Variants in CEACAM7 observed in about 807,000 individuals in gnomAD.
CEACAM7 encodes the protein CEA cell adhesion molecule 7.
Under a neutral mutation model 25.7 loss-of-function variants are expected in CEACAM7, and 24 were observed. The ratio of observed to expected loss-of-function variants is 0.93; its 90% confidence interval spans 0.68 to 1.31. The LOEUF is 1.31. Ranked by LOEUF, CEACAM7 falls within the 40% of genes most tolerant of loss-of-function variation. CEACAM7 has a pLI of 0.00. For synonymous variants in CEACAM7, 144 were observed against 129.4 expected, an observed-to-expected ratio of 1.11 and a Z score of -0.77; for missense variants, 324 against 330.1, an observed-to-expected ratio of 0.98 and a Z score of 0.14.
At chr19:41,685,645 G>C (rs1166454394) in intron 2 of CEACAM7, among the ~76,000 whole-genome samples, 1 of 152,118 alleles carries the variant, frequency 6.6e-6, no homozygotes, top group Non-Finnish European at 1.5e-5. Context: ...AGAAAGCAAA[G>C]TCTTCTCCTT....
chr19:41,677,333 G>T (rs1440977800), intron 4 of CEACAM7, 43 bp downstream of exon 4: 2 of 1,062,536 alleles, frequency 1.9e-6, no homozygotes, highest in Non-Finnish European at 2.9e-6. Flanking sequence ...ATGGCAGTCA[G>T]CCCTGCAGGA....
At position 41,687,080 on chromosome 19, in the gene CEACAM7, T is replaced by C. The variant is rs2072235106; in HGVS notation, c.206A>G (p.Lys69Arg). Residue 69 changes from lysine (K) to arginine (R), a missense_variant, in exon 2 of 5, where the codon AAA becomes AGA. Transcript: ENST00000401731. ...SQNLYGYNWY[K>R]GERVHANYRI... ...ATAGTTGGCATGCACCCTTTCCCCT[T>C]TGTACCAGTTGTAGCCATAAAGATT... 1.2e-6 allele frequency: 2 copies of C among 1,614,106 alleles called. No homozygotes were observed. The highest frequency in any genetic ancestry group is 1.3e-5 in the African/African-American group (1 of 74,992).
chr19:41,677,324 T>C lies in CEACAM7; in HGVS notation c.*36+52A>G, dbSNP rs1040598757. On this transcript the variant is annotated intron_variant, in intron 4 of 4. Coordinates refer to ENST00000401731, the MANE Select transcript of CEACAM7 (RefSeq NM_001291485.2). ...AGAAGTCCTTTCCCTCTCCCAAGCA[T>C]GGCAGTCAGCCCTGCAGGAAATAGG... 7 of 957,394 alleles carry C rather than the reference T, an allele frequency of 7.3e-6. No individual in the cohort carries two copies. In the East Asian group the frequency reaches 1.7e-4, roughly 23 times the overall value. The allele number at this position is 957,394 out of a possible 1,614,324, so 59.3% of individuals were successfully genotyped here.
Position 41,674,613 on chromosome 19 carries a change from T to C in CEACAM7, c.*163A>G, listed in dbSNP as rs1555809951. The C allele has an allele frequency of 5.6e-6, 2 of 355,640 alleles. No individual in the cohort carries two copies. The highest frequency in any genetic ancestry group is 2.2e-5 in the African/African-American group (1 of 46,340). 22.0% of individuals were successfully genotyped at this position (355,640 alleles called of 1,614,324 possible). ...GGCCCACATCTCAGGCATGAGGGTT[T>C]TTCCTTGAAATTTACATTGAGTTGT... On this transcript the variant is annotated 3_prime_UTR_variant, in exon 5 of 5. Coordinates refer to ENST00000401731, the MANE Select transcript of CEACAM7 (RefSeq NM_001291485.2).
At chr19:41,677,273 G>T in intron 4 of CEACAM7, 103 bp downstream of exon 4, 1 of 614,952 alleles carries the variant, frequency 1.6e-6, no homozygotes, top group Non-Finnish European at 2.9e-6. Flanking sequence ...GGGAGGAGGA[G>T]GAGATCTAGT....
At chr19:41,684,775 G>T (rs1213867096) in intron 2 of CEACAM7, among the ~76,000 whole-genome samples, 1 of 152,218 alleles carries the variant, frequency 6.6e-6, no homozygotes, top group African/African-American at 2.4e-5. Context: ...ATTAGGAGAA[G>T]AGATGTGTGT....
rs193293024 is a variant in CEACAM7 at position 41,686,268 on chromosome 19, G to A, written c.427+591C>T. ...GAGGTCCTAGTAATCCTGTTCATCT[G>A]TCCTCTCCAGGCTGAGTCTCAGGTG... On this transcript the variant is annotated intron_variant, in intron 2 of 4. Transcript: ENST00000401731. Among the ~76,000 whole-genome samples, 9 of 152,246 alleles carry A rather than the reference G, an allele frequency of 5.9e-5. No individual in the cohort carries two copies. In the East Asian group the frequency reaches 1.7e-3, roughly 29 times the overall value.
intron 3 of CEACAM7, among the ~76,000 whole-genome samples, chr19:41,683,326 G>A (rs1412805940): frequency 6.6e-6 from 1 of 152,226 alleles, no homozygotes; most frequent in East Asian, 1.9e-4. Flanking sequence ...CCACATGGAT[G>A]AAGAGTCTAA....
At chr19:41,681,085 AACCCAATTT>A (rs2072170488) in intron 3 of CEACAM7, among the ~76,000 whole-genome samples, 1 of 152,192 alleles carries the variant, frequency 6.6e-6, no homozygotes, top group African/African-American at 2.4e-5. Context: ...AAAACCCAGA[AACCCAATTT>A]AAAAATGGGC....
chr19:41,683,870 T>C lies in CEACAM7; in HGVS notation c.621A>G (p.Thr207=). The C allele has an allele frequency of 6.2e-7, 1 of 1,614,226 alleles. No individual in the cohort carries two copies. Among genetic ancestry groups the C allele is most frequent in the Non-Finnish European group, 8.5e-7 (1 of 1,180,034 alleles). Residue 207 remains threonine, a synonymous_variant, in exon 3 of 5, where the codon ACA becomes ACG. Coordinates refer to ENST00000401731, the MANE Select transcript of CEACAM7 (RefSeq NM_001291485.2). ...DNRTLVLLSA[T]KNDIGPYECE... ...ATTCATAGGGTCCTATGTCATTCTT[T>C]GTGGCGCTGAGTAGAACGAGGGTCC... is the stretch of plus-strand genomic sequence containing the variant.
chr19:41,680,283 A>C (rs2072162140), intron 3 of CEACAM7, among the ~76,000 whole-genome samples: 2 of 152,158 alleles, frequency 1.3e-5, no homozygotes, highest in South Asian at 4.1e-4. Context: ...CAGCTGAAAG[A>C]AATTAAAGAA....
chr19:41,683,740 A>T (rs782558460), intron 3 of CEACAM7, 45 bp downstream of exon 3: 1 of 1,608,064 alleles, frequency 6.2e-7, no homozygotes, highest in Non-Finnish European at 8.5e-7. Flanking sequence ...GGCTGCATGG[A>T]TTTGGGCTGT....
At chr19:41,687,292 C>G in intron 1 of CEACAM7, 71 bp from the exon 2 acceptor site, 1 of 1,491,202 alleles carries the variant, frequency 6.7e-7, no homozygotes, top group South Asian at 1.4e-5. Flanking sequence ...GGCCCTGGAT[C>G]CTGAGCAGGT....
chr19:41,687,460 C>A (rs1001254535), intron 1 of CEACAM7, among the ~76,000 whole-genome samples: 1 of 152,212 alleles, frequency 6.6e-6, no homozygotes, highest in Non-Finnish European at 1.5e-5. Flanking sequence ...CTCCATACTG[C>A]TGGACCTGCT....
At chr19:41,682,813 AC>A (rs1555810802) in intron 3 of CEACAM7, among the ~76,000 whole-genome samples, 4 of 152,232 alleles carry the variant, frequency 2.6e-5, no homozygotes, top group Non-Finnish European at 5.9e-5. Context: ...CAAAGAGGTG[AC>A]AAAAAGGGAC....
chr19:41,687,300 G>A lies in CEACAM7; in HGVS notation c.65-79C>T, dbSNP rs1170161029. 3.4e-6 allele frequency: 5 copies of A among 1,455,260 alleles called. No homozygotes were observed. In the Admixed American group the frequency reaches 9.0e-5, roughly 26 times the overall value. 90.1% of individuals were successfully genotyped at this position (1,455,260 alleles called of 1,614,324 possible). Reference sequence around the variant, plus strand: ...AAGATGGGGCCCTGGATCCTGAGCAGGTCTCTTCACCCACCCCCATCTTGA... The same window carrying A: ...AAGATGGGGCCCTGGATCCTGAGCAAGTCTCTTCACCCACCCCCATCTTGA... On this transcript the variant is annotated intron_variant, in intron 1 of 4. Coordinates refer to ENST00000401731, the MANE Select transcript of CEACAM7 (RefSeq NM_001291485.2).
intron 3 of CEACAM7, among the ~76,000 whole-genome samples, chr19:41,677,907 A>G (rs1600428412): frequency 6.6e-6 from 1 of 152,178 alleles, no homozygotes; most frequent in East Asian, 1.9e-4. Flanking sequence ...CTCACTTCCC[A>G]TGGGCTCCCA....
At chr19:41,682,603 C>T (rs924241906) in intron 3 of CEACAM7, among the ~76,000 whole-genome samples, 1 of 152,212 alleles carries the variant, frequency 6.6e-6, no homozygotes, top group Non-Finnish European at 1.5e-5. Flanking sequence ...CGCCCAAGCA[C>T]CTTCTCCACA....
At chr19:41,677,170 T>C (rs1282079447) in intron 4 of CEACAM7, among the ~76,000 whole-genome samples, 2 of 151,880 alleles carry the variant, frequency 1.3e-5, no homozygotes, top group Non-Finnish European at 2.9e-5. Context: ...AGGCTGGGAG[T>C]AGTCATGTCT....
Sources: allele counts gnomAD v4.1 joint callset (sites outside exome capture counted in the v4.1 genomes callset), GRCh38; gene constraint gnomAD v4.1.1; transcripts MANE v1.5; gene names NCBI Gene and HGNC (gene_info 2026-07-23, HGNC 2026-07-21).